Variants in VEGFC observed in about 807,000 individuals in gnomAD.
The protein encoded by VEGFC is vascular endothelial growth factor C, also known as FLT4 ligand DHM.
In VEGFC, 12 loss-of-function variants were observed where a neutral mutation model predicts 46.1. That is an observed-to-expected ratio of 0.26 (90% CI 0.17 to 0.42). VEGFC has a LOEUF of 0.42. VEGFC is among the 10% of genes least tolerant of loss of function. The pLI is 1.00. For synonymous variants in VEGFC, 232 were observed against 195.5 expected, an observed-to-expected ratio of 1.19 and a Z score of -1.56; for missense variants, 488 against 529.4, an observed-to-expected ratio of 0.92 and a Z score of 0.77.
In VEGFC at chr4:176,721,033, A is replaced by G. The variant is rs564435251; in HGVS notation, c.552+6745T>C. On this transcript the variant is annotated intron_variant, in intron 3 of 6. Transcript: ENST00000618562. ...ACTAGATACATCGAGATACGGGATC[A>G]TGTGTAGGGAGATGTTTCAAACACA... Among the ~76,000 whole-genome samples the G allele has an allele frequency of 3.3e-5, 5 of 152,250 alleles. No individual in the cohort carries two copies. The Middle Eastern group carries it at 0.017, about 518-fold the overall frequency.
At chr4:176,791,289 G>A (rs1736085091) in intron 1 of VEGFC, among the ~76,000 whole-genome samples, 1 of 152,186 alleles carries the variant, frequency 6.6e-6, no homozygotes, top group Admixed American at 6.5e-5. Flanking sequence ...ACTCTCTTAA[G>A]CATACTCTAT....
chr4:176,698,443 T>C (rs1734363864), intron 4 of VEGFC, among the ~76,000 whole-genome samples: 1 of 152,054 alleles, frequency 6.6e-6, no homozygotes, highest in African/African-American at 2.4e-5. Flanking sequence ...TATTCATGCA[T>C]TTTTCCAGCT....
intron 1 of VEGFC, among the ~76,000 whole-genome samples, chr4:176,739,406 G>A (rs1392490625): frequency 6.6e-6 from 1 of 151,984 alleles, no homozygotes. Flanking sequence ...GGAAAACTAT[G>A]TAGCCATAAA....
At chr4:176,774,642 A>G (rs1285860211) in intron 1 of VEGFC, among the ~76,000 whole-genome samples, 2 of 152,200 alleles carry the variant, frequency 1.3e-5, no homozygotes, top group African/African-American at 4.8e-5. Flanking sequence ...ATCCTCCCAT[A>G]TACACTCAAT....
intron 1 of VEGFC, among the ~76,000 whole-genome samples, chr4:176,747,290 T>A (rs972622930): frequency 2.0e-5 from 3 of 152,116 alleles, no homozygotes; most frequent in African/African-American, 7.2e-5. Context: ...TAAACTAATT[T>A]GAGTTATTCA....
At chr4:176,786,325 C>A (rs976854287) in intron 1 of VEGFC, among the ~76,000 whole-genome samples, 1 of 152,236 alleles carries the variant, frequency 6.6e-6, no homozygotes, top group Non-Finnish European at 1.5e-5. Context: ...AAGCTCTTGA[C>A]TTTTGCACCA....
intron 6 of VEGFC, among the ~76,000 whole-genome samples, chr4:176,686,277 T>C (rs1409197616): frequency 2.0e-5 from 3 of 152,282 alleles, no homozygotes; most frequent in Admixed American, 2.0e-4. Context: ...AACATAGCAC[T>C]GTAGGCCATA....
chr4:176,730,359 T>C (rs1269788939), intron 1 of VEGFC, among the ~76,000 whole-genome samples: 2 of 152,162 alleles, frequency 1.3e-5, no homozygotes, highest in African/African-American at 4.8e-5. Context: ...CAGAGAACAC[T>C]AAATCTTATT....
chr4:176,782,799 T>C (rs1472618957), intron 1 of VEGFC, among the ~76,000 whole-genome samples: 2 of 148,576 alleles, frequency 1.3e-5, no homozygotes, highest in African/African-American at 5.2e-5. Context: ...TTTGTTCCAG[T>C]TCCAGTCAGA....
intron 1 of VEGFC, among the ~76,000 whole-genome samples, chr4:176,752,669 T>C (rs1055988564): frequency 5.3e-5 from 8 of 152,100 alleles, no homozygotes; most frequent in Non-Finnish European, 1.2e-4. Context: ...TAATGTAAGT[T>C]ATATCACACA....
intron 1 of VEGFC, among the ~76,000 whole-genome samples, chr4:176,780,387 A>AAAAAC (rs1553997796): frequency 8.7e-6 from 1 of 114,758 alleles, no homozygotes. Flanking sequence ...ATCTCAAAAA[A>AAAAAC]AAAAAAAAAA....
intron 4 of VEGFC, among the ~76,000 whole-genome samples, chr4:176,711,277 T>C (rs902955600): frequency 1.3e-5 from 2 of 152,184 alleles, no homozygotes; most frequent in African/African-American, 2.4e-5. Context: ...CATACTTCTT[T>C]TATATTGTGA....
At chr4:176,773,601 A>G (rs1221628686) in intron 1 of VEGFC, among the ~76,000 whole-genome samples, 1 of 152,232 alleles carries the variant, frequency 6.6e-6, no homozygotes, top group East Asian at 1.9e-4. Flanking sequence ...AAAATTTTAA[A>G]AAGTGAAGGC....
intron 1 of VEGFC, among the ~76,000 whole-genome samples, chr4:176,756,677 A>G (rs1433088597): frequency 6.6e-6 from 1 of 152,108 alleles, no homozygotes; most frequent in Non-Finnish European, 1.5e-5. Flanking sequence ...TCCAGATATG[A>G]TGGAAAGAAG....
chr4:176,752,767 T>A (rs967955824), intron 1 of VEGFC, among the ~76,000 whole-genome samples: 1 of 152,048 alleles, frequency 6.6e-6, no homozygotes, highest in African/African-American at 2.4e-5. Context: ...AATTAGAACT[T>A]GGCTAATAAA....
chr4:176,712,579 C>T (rs1238124234), intron 3 of VEGFC, among the ~76,000 whole-genome samples: 3 of 152,110 alleles, frequency 2.0e-5, no homozygotes, highest in Non-Finnish European at 4.4e-5. Context: ...AACTTGCAGT[C>T]ATTTAACTAT....
At chr4:176,774,827 T>A (rs1299149421) in intron 1 of VEGFC, among the ~76,000 whole-genome samples, 1 of 141,918 alleles carries the variant, frequency 7.0e-6, no homozygotes, top group Non-Finnish European at 1.5e-5. Context: ...AAAAAAAGAA[T>A]GCAAAAAAAA....
At chr4:176,691,170 A>G (rs576646315) in intron 4 of VEGFC, among the ~76,000 whole-genome samples, 1 of 152,308 alleles carries the variant, frequency 6.6e-6, no homozygotes, top group Admixed American at 6.5e-5. Flanking sequence ...TTTAGAATGA[A>G]AGGAAATGTG....
At chr4:176,739,742 C>A (rs1345873956) in intron 1 of VEGFC, among the ~76,000 whole-genome samples, 1 of 151,314 alleles carries the variant, frequency 6.6e-6, no homozygotes. Context: ...ACATGAACCC[C>A]TGAACTTAAA....
Sources: gnomAD v4.1 joint callset for allele counts (sites outside exome capture counted in the v4.1 genomes callset) on GRCh38, gnomAD v4.1.1 for gene constraint, MANE v1.5 for transcripts, NCBI Gene and HGNC (gene_info 2026-07-23, HGNC 2026-07-21) for gene names.